DLGAP1: variants seen among roughly 807,000 people sequenced by gnomAD.
The protein encoded by DLGAP1 is DLG associated protein 1.
Under a neutral mutation model 90.8 loss-of-function variants are expected in DLGAP1, and 11 were observed. The observed-to-expected ratio is 0.12, with a 90% CI of 0.08 to 0.20. The LOEUF (loss-of-function observed/expected upper bound fraction) is 0.20, where lower values mean the gene tolerates loss of function less well. Among genes scored for constraint, DLGAP1 ranks in the 10% least tolerant of loss-of-function variants. The probability of loss-of-function intolerance (pLI) is 1.00; values close to 1 mark genes in which losing one functional copy is unlikely to be tolerated. For missense variants in DLGAP1, 1,050 were observed against 1,333.8 expected (o/e 0.79, Z 3.31); for synonymous variants, 558 against 540.7 (o/e 1.03, Z -0.44).
At chr18:4,405,292 G>C (rs2082639532) in intron 1 of DLGAP1, among the ~76,000 whole-genome samples, 1 of 152,110 alleles carries the variant, frequency 6.6e-6, no homozygotes, top group Non-Finnish European at 1.5e-5. Context: ...TTTTCCACTG[G>C]TGGAGAAAGC....
intron 1 of DLGAP1, among the ~76,000 whole-genome samples, chr18:4,372,911 G>A (rs2081946156): frequency 6.6e-6 from 1 of 151,138 alleles, no homozygotes; most frequent in African/African-American, 2.4e-5. Context: ...CTGGGCCACA[G>A]AGCGAGACTC....
intron 2 of DLGAP1, among the ~76,000 whole-genome samples, chr18:4,093,851 T>C (rs903547243): frequency 7.9e-5 from 12 of 152,210 alleles, no homozygotes; most frequent in Non-Finnish European, 1.8e-4. Flanking sequence ...TATACTCTTC[T>C]GGTTCTAATT....
At chr18:4,075,279 C>T (rs1372788919) in intron 2 of DLGAP1, among the ~76,000 whole-genome samples, 3 of 152,140 alleles carry the variant, frequency 2.0e-5, no homozygotes, top group African/African-American at 4.8e-5. Context: ...CACTTTAATA[C>T]GATAGCTAGT....
chr18:4,160,244 G>A (rs1568426942), intron 1 of DLGAP1, among the ~76,000 whole-genome samples: 2 of 152,112 alleles, frequency 1.3e-5, no homozygotes, highest in Admixed American at 6.6e-5. Context: ...CACTTATGTG[G>A]GAACTCTCCA....
chr18:3,840,688 A>G (rs1361078009), intron 4 of DLGAP1, among the ~76,000 whole-genome samples: 1 of 152,116 alleles, frequency 6.6e-6, no homozygotes, highest in Non-Finnish European at 1.5e-5. Context: ...CCACACTAAC[A>G]CCATTGTTAA....
intron 1 of DLGAP1, among the ~76,000 whole-genome samples, chr18:4,229,733 G>A (rs2078262189): frequency 6.6e-6 from 1 of 151,862 alleles, no homozygotes; most frequent in Non-Finnish European, 1.5e-5. Flanking sequence ...AGAAAACATG[G>A]GGAAGCTCAA....
chr18:3,738,201 AAGGTAAT>A (rs2062741939), intron 6 of DLGAP1, among the ~76,000 whole-genome samples: 1 of 149,492 alleles, frequency 6.7e-6, no homozygotes. Flanking sequence ...CATACTGCCC[AAGGTAAT>A]TTACAGATTC....
chr18:3,749,603 T>A (rs925323291), intron 5 of DLGAP1, among the ~76,000 whole-genome samples: 1 of 152,286 alleles, frequency 6.6e-6, no homozygotes, highest in Non-Finnish European at 1.5e-5. Context: ...GACAATCTCA[T>A]CTCCTCAATG....
chr18:4,223,319 G>A lies in DLGAP1; in HGVS notation c.-266-72032C>T, dbSNP rs996940510. ...TATAATTTATTAGAGAGTGAGACTG[G>A]CCTAGTTCACTGTTTCTTATATTTT... On this transcript the variant is annotated intron_variant, in intron 1 of 12. Transcript: ENST00000315677. Among the ~76,000 whole-genome samples, 24 of 152,180 alleles carry A rather than the reference G, an allele frequency of 1.6e-4. No individual in the cohort carries two copies. In the Middle Eastern group the frequency reaches 0.01, roughly 65 times the overall value.
intron 1 of DLGAP1, among the ~76,000 whole-genome samples, chr18:4,209,709 T>A (rs1378343296): frequency 6.6e-6 from 1 of 152,192 alleles, no homozygotes; most frequent in East Asian, 1.9e-4. Flanking sequence ...ATTTTAACTA[T>A]CATTTATAAA....
chr18:4,245,684 G>A (rs1322199820), intron 1 of DLGAP1, among the ~76,000 whole-genome samples: 2 of 152,184 alleles, frequency 1.3e-5, no homozygotes, highest in South Asian at 4.1e-4. Context: ...ATCAGAATCC[G>A]CTTGGGTGGT....
intron 3 of DLGAP1, among the ~76,000 whole-genome samples, chr18:3,880,747 A>G (rs1487151732): frequency 6.6e-6 from 1 of 151,950 alleles, no homozygotes; most frequent in Non-Finnish European, 1.5e-5. Flanking sequence ...GTTTGAGACC[A>G]GCCTGGCCAA....
Position 4,159,634 on chromosome 18 carries a change from T to C in DLGAP1, c.-266-8347A>G, listed in dbSNP as rs759001087. Among the ~76,000 whole-genome samples the C allele has an allele frequency of 7.4e-4, 112 of 152,184 alleles. 2 individuals carry two copies. The highest frequency in any genetic ancestry group is 2.6e-3 in the African/African-American group (107 of 41,422). On this transcript the variant is annotated intron_variant, in intron 1 of 12. Coordinates refer to ENST00000315677, the MANE Select transcript of DLGAP1 (RefSeq NM_004746.4). ...GGCACCTAAACTCAAGTTTGGTACA[T>C]TGTAGGTACTATACAAATGTGGGTT... is the stretch of plus-strand genomic sequence containing the variant.
chr18:3,772,275 CTT>C (rs1437490831), intron 5 of DLGAP1, among the ~76,000 whole-genome samples: 10 of 146,598 alleles, frequency 6.8e-5, no homozygotes, highest in Admixed American at 4.9e-4. Context: ...TCTTTCCTTC[CTT>C]TCTCTCCTTT....
chr18:4,419,887 C>T (rs1050434769), intron 1 of DLGAP1, among the ~76,000 whole-genome samples: 1 of 151,988 alleles, frequency 6.6e-6, no homozygotes, highest in Non-Finnish European at 1.5e-5. Flanking sequence ...AAACAGCTAA[C>T]ATAGAAGGCC....
At chr18:3,644,496 C>T (rs2059051207) in intron 7 of DLGAP1, among the ~76,000 whole-genome samples, 1 of 151,874 alleles carries the variant, frequency 6.6e-6, no homozygotes, top group Admixed American at 6.6e-5. Flanking sequence ...CTGCAACCTC[C>T]GCCTCCCGGG....
At chr18:4,252,404 A>G (rs1271664550) in intron 1 of DLGAP1, among the ~76,000 whole-genome samples, 1 of 152,212 alleles carries the variant, frequency 6.6e-6, no homozygotes, top group Non-Finnish European at 1.5e-5. Context: ...CTCTTTAAGT[A>G]TTGATGGGGG....
chr18:4,142,917 G>C (rs918995911), intron 2 of DLGAP1, among the ~76,000 whole-genome samples: 1 of 152,094 alleles, frequency 6.6e-6, no homozygotes. Flanking sequence ...AAATTTTCTA[G>C]ATTGCCAGGC....
intron 1 of DLGAP1, among the ~76,000 whole-genome samples, chr18:4,445,832 TC>T (rs1334740468): frequency 2.6e-5 from 4 of 152,088 alleles, no homozygotes; most frequent in Non-Finnish European, 5.9e-5. Context: ...AGCTGAGTAG[TC>T]ATAAAATGTG....
Sources: allele counts gnomAD v4.1 joint callset (sites outside exome capture counted in the v4.1 genomes callset), GRCh38; gene constraint gnomAD v4.1.1; transcripts MANE v1.5; gene names NCBI Gene and HGNC (gene_info 2026-07-23, HGNC 2026-07-21).